DNER: variants seen among roughly 807,000 people sequenced by gnomAD.
DNER encodes the protein delta/notch like EGF repeat containing.
Under a neutral mutation model 78.2 loss-of-function variants are expected in DNER, and 33 were observed. The ratio of observed to expected loss-of-function variants is 0.42; its 90% confidence interval spans 0.32 to 0.56. The LOEUF is 0.56. Among genes scored for constraint, DNER ranks in the 20% least tolerant of loss-of-function variants. DNER has a pLI of 0.11. For synonymous variants in DNER, 417 were observed against 384.8 expected (o/e 1.08, Z -0.98); for missense variants, 918 against 975.3 (o/e 0.94, Z 0.78).
rs1695222197 is a variant in DNER at position 229,484,090 on chromosome 2, C to T, written c.1148-6837G>A. ...AACCTCTGGACCCTCCAAACTTAAA[C>T]ATTTCCTGGCACAATTATTTGTTGA... On this transcript the variant is annotated intron_variant, in intron 6 of 12. Coordinates refer to ENST00000341772, the MANE Select transcript of DNER (RefSeq NM_139072.4). 2.0e-5 allele frequency among the ~76,000 whole-genome samples: 3 copies of T among 152,174 alleles called. No individual in the cohort carries two copies. The South Asian group carries it at 6.2e-4, about 32-fold the overall frequency.
At chr2:229,675,544 C>A (rs947488733) in intron 1 of DNER, among the ~76,000 whole-genome samples, 5 of 152,222 alleles carry the variant, frequency 3.3e-5, no homozygotes, top group Non-Finnish European at 5.9e-5. Context: ...GGATCCCTGG[C>A]AGACACAGGC....
chr2:229,552,184 C>G (rs1330109616), intron 4 of DNER, among the ~76,000 whole-genome samples: 1 of 152,132 alleles, frequency 6.6e-6, no homozygotes, highest in African/African-American at 2.4e-5. Context: ...ATGGGACAGG[C>G]AGTGCATGCT....
At chr2:229,584,531 A>G (rs892154910) in intron 4 of DNER, among the ~76,000 whole-genome samples, 1 of 152,194 alleles carries the variant, frequency 6.6e-6, no homozygotes, top group African/African-American at 2.4e-5. Flanking sequence ...AGAATGCTAA[A>G]CTAGGGGAAA....
At chr2:229,713,947 G>A (rs1301012455) in intron 1 of DNER, among the ~76,000 whole-genome samples, 6 of 152,122 alleles carry the variant, frequency 3.9e-5, no homozygotes. Context: ...GGCCCCGCCC[G>A]GGAACCAGGG....
At chr2:229,598,507 C>G (rs1213972428) in intron 1 of DNER, among the ~76,000 whole-genome samples, 2 of 152,222 alleles carry the variant, frequency 1.3e-5, no homozygotes, top group African/African-American at 4.8e-5. Context: ...TGCATGTCAG[C>G]TATTGGGATC....
intron 5 of DNER, among the ~76,000 whole-genome samples, chr2:229,539,053 T>C (rs954389221): frequency 1.3e-5 from 2 of 152,182 alleles, no homozygotes; most frequent in African/African-American, 2.4e-5. Flanking sequence ...AGTAACTGTA[T>C]GTTCTGATGT....
chr2:229,379,087 C>T (rs766470484), intron 11 of DNER, among the ~76,000 whole-genome samples: 4 of 152,130 alleles, frequency 2.6e-5, no homozygotes, highest in South Asian at 2.1e-4. Context: ...GTGAACACGG[C>T]GTCCAGGTAT....
intron 6 of DNER, among the ~76,000 whole-genome samples, chr2:229,499,904 G>T (rs1695580120): frequency 6.7e-6 from 1 of 149,620 alleles, no homozygotes; most frequent in South Asian, 2.1e-4. Flanking sequence ...TTTAAAAATG[G>T]GCAAAAAATC....
intron 1 of DNER, among the ~76,000 whole-genome samples, chr2:229,649,027 T>C (rs1249712785): frequency 6.6e-6 from 1 of 152,230 alleles, no homozygotes; most frequent in African/African-American, 2.4e-5. Context: ...GCATATGCTG[T>C]CCTGAAGTCA....
At chr2:229,649,552 T>A (rs1046740099) in intron 1 of DNER, among the ~76,000 whole-genome samples, 1 of 152,206 alleles carries the variant, frequency 6.6e-6, no homozygotes, top group Admixed American at 6.5e-5. Context: ...AACGCCAAGA[T>A]GCGCACAACT....
intron 5 of DNER, among the ~76,000 whole-genome samples, chr2:229,524,498 C>T (rs1258494689): frequency 6.6e-6 from 1 of 152,116 alleles, no homozygotes; most frequent in Non-Finnish European, 1.5e-5. Context: ...GTATTCATGA[C>T]CCAGGATGGT....
At chr2:229,528,592 G>A (rs1696248060) in intron 5 of DNER, among the ~76,000 whole-genome samples, 1 of 152,188 alleles carries the variant, frequency 6.6e-6, no homozygotes, top group African/African-American at 2.4e-5. Flanking sequence ...CCGCAAGTCT[G>A]CTGGCTTCCA....
intron 1 of DNER, among the ~76,000 whole-genome samples, chr2:229,599,130 C>T (rs1171269385): frequency 6.6e-6 from 1 of 152,034 alleles, no homozygotes; most frequent in Non-Finnish European, 1.5e-5. Flanking sequence ...TATGACCCAG[C>T]ACGACGCTGG....
At chr2:229,451,142 T>C (rs12611671) in intron 7 of DNER, among the ~76,000 whole-genome samples, 38,108 of 152,168 alleles carry the variant, frequency 0.25, 5,299 homozygotes, top group East Asian at 0.35. Context: ...GCTGGAAGAA[T>C]GAATGAATTA....
intron 7 of DNER, among the ~76,000 whole-genome samples, chr2:229,459,213 A>T (rs1317841953): frequency 6.6e-6 from 1 of 152,108 alleles, no homozygotes; most frequent in African/African-American, 2.4e-5. Context: ...AGTACTAATT[A>T]TTTGGGGATG....
intron 1 of DNER, among the ~76,000 whole-genome samples, chr2:229,622,130 A>G (rs1350716614): frequency 6.6e-6 from 1 of 152,166 alleles, no homozygotes; most frequent in African/African-American, 2.4e-5. Flanking sequence ...GCATATAAAT[A>G]ATTACTCCTC....
intron 5 of DNER, among the ~76,000 whole-genome samples, chr2:229,517,768 C>T (rs1696009336): frequency 6.6e-6 from 1 of 152,188 alleles, no homozygotes; most frequent in Non-Finnish European, 1.5e-5. Context: ...CTACTAGCCT[C>T]TGGCGGATAG....
At chr2:229,688,753 T>C (rs913351509) in intron 1 of DNER, among the ~76,000 whole-genome samples, 1 of 152,164 alleles carries the variant, frequency 6.6e-6, no homozygotes, top group Non-Finnish European at 1.5e-5. Flanking sequence ...TCAGCCCAAA[T>C]GCCCATCAAC....
chr2:229,366,910 C>G lies in DNER; in HGVS notation c.2065G>C (p.Glu689Gln), dbSNP rs150035332. ...EFYNCRSIDS[E>Q]FSNAIASIRH... The stretch of plus-strand genomic sequence containing the variant: ...ATGGATGCAATGGCATTGCTGAACT[C>G]GCTGTCGATGCTGCGGCAGTTGTAG... Residue 689 changes from glutamate to glutamine, a missense_variant, in exon 12 of 13, where the codon GAG (glutamate) becomes CAG (glutamine). Physicochemically the swap from Glu to Gln is conservative, Grantham distance 29 (BLOSUM62 2). Transcript: ENST00000341772. 6.2e-7 allele frequency: 1 copy of G among 1,614,180 alleles called. No individual in the cohort carries two copies. The highest frequency in any genetic ancestry group is 8.5e-7 in the Non-Finnish European group (1 of 1,180,038).
Sources: gnomAD v4.1 joint callset for allele counts (sites outside exome capture counted in the v4.1 genomes callset) on GRCh38, gnomAD v4.1.1 for gene constraint, MANE v1.5 for transcripts, NCBI Gene and HGNC (gene_info 2026-07-23, HGNC 2026-07-21) for gene names.